KCNIP1: variants seen among roughly 807,000 people sequenced by gnomAD.
The protein encoded by KCNIP1 is A-type potassium channel modulatory protein KCNIP1.
KCNIP1 carries 18 observed loss-of-function variants against 33.0 expected under a neutral mutation model. That is an observed-to-expected ratio of 0.55 (90% CI 0.38 to 0.81). KCNIP1 has a LOEUF of 0.81. Ranked by LOEUF, KCNIP1 falls within the 30% of genes least tolerant of loss-of-function variation. The probability of loss-of-function intolerance (pLI) is 0.00; values close to 1 mark genes in which losing one functional copy is unlikely to be tolerated. For missense variants in KCNIP1, 238 were observed against 271.6 expected (o/e 0.88, Z 0.87); for synonymous variants, 93 against 98.3 (o/e 0.95, Z 0.32).
intron 1 of KCNIP1, among the ~76,000 whole-genome samples, chr5:170,510,712 TAA>T (rs1158117654): frequency 2.6e-5 from 4 of 152,146 alleles, no homozygotes; most frequent in Non-Finnish European, 5.9e-5. Flanking sequence ...TACTTTGGAT[TAA>T]ATCTTGTTAT....
chr5:170,564,637 G>T (rs1039267310), intron 1 of KCNIP1, among the ~76,000 whole-genome samples: 1 of 152,202 alleles, frequency 6.6e-6, no homozygotes, highest in African/African-American at 2.4e-5. Flanking sequence ...AGCCAGGTGT[G>T]TGCACCACAG....
chr5:170,588,998 T>G (rs1036447336), intron 1 of KCNIP1, among the ~76,000 whole-genome samples: 1 of 143,038 alleles, frequency 7.0e-6, no homozygotes, highest in African/African-American at 2.6e-5. Context: ...ACTTACTTCT[T>G]TTTTTTTTTT....
intron 1 of KCNIP1, among the ~76,000 whole-genome samples, chr5:170,564,326 T>G (rs973520447): frequency 2.0e-5 from 3 of 152,184 alleles, no homozygotes; most frequent in Non-Finnish European, 4.4e-5. Context: ...TCTGCTCAGA[T>G]GTCCTTGAAA....
intron 1 of KCNIP1, among the ~76,000 whole-genome samples, chr5:170,452,054 C>T (rs1233474965): frequency 2.6e-5 from 4 of 152,120 alleles, no homozygotes; most frequent in Non-Finnish European, 4.4e-5. Flanking sequence ...ACCCCTGTGA[C>T]TCCGTCTCCA....
intron 1 of KCNIP1, chr5:170,486,122 C>T (rs1757089539): frequency 6.6e-6 from 1 of 152,100 alleles, no homozygotes; most frequent in Admixed American, 6.5e-5. Flanking sequence ...AGCGTGTTGA[C>T]TAAGGTCACA....
intron 1 of KCNIP1, among the ~76,000 whole-genome samples, chr5:170,373,769 A>G (rs575808662): frequency 6.6e-6 from 1 of 152,350 alleles, no homozygotes; most frequent in African/African-American, 2.4e-5. Flanking sequence ...GGAACATTCC[A>G]TTGCACTCTC....
At chr5:170,392,928 T>C (rs1754646072) in intron 1 of KCNIP1, among the ~76,000 whole-genome samples, 1 of 152,222 alleles carries the variant, frequency 6.6e-6, no homozygotes, top group African/African-American at 2.4e-5. Flanking sequence ...TTTTTGTTTA[T>C]GAAGCACCTA....
chr5:170,685,623 G>A (rs1326773305), intron 1 of KCNIP1, among the ~76,000 whole-genome samples: 1 of 151,860 alleles, frequency 6.6e-6, no homozygotes, highest in Non-Finnish European at 1.5e-5. Context: ...TGAGTAGCTG[G>A]GATTACAGGC....
chr5:170,574,973 C>T (rs1208174328), intron 1 of KCNIP1, among the ~76,000 whole-genome samples: 5 of 152,042 alleles, frequency 3.3e-5, no homozygotes, highest in African/African-American at 7.3e-5. Context: ...CAACAGTATT[C>T]GAAGACCTGC....
At chr5:170,536,431 C>T (rs1755987028) in intron 1 of KCNIP1, among the ~76,000 whole-genome samples, 1 of 152,184 alleles carries the variant, frequency 6.6e-6, no homozygotes, top group Non-Finnish European at 1.5e-5. Context: ...GTCCCACCTT[C>T]CCCCAACAGC....
chr5:170,449,934 G>A (rs578145420), intron 1 of KCNIP1, among the ~76,000 whole-genome samples: 5 of 151,992 alleles, frequency 3.3e-5, no homozygotes, highest in East Asian at 3.9e-4. Flanking sequence ...TTGGAAGGCC[G>A]GGAGGTTTTG....
At chr5:170,663,955 G>A (rs1199935407) in intron 1 of KCNIP1, among the ~76,000 whole-genome samples, 1 of 151,758 alleles carries the variant, frequency 6.6e-6, no homozygotes, top group Non-Finnish European at 1.5e-5. Flanking sequence ...CTTCAACCCT[G>A]TCTGTACTCT....
chr5:170,569,372 T>C (rs574641855), intron 1 of KCNIP1, among the ~76,000 whole-genome samples: 1 of 152,344 alleles, frequency 6.6e-6, no homozygotes, highest in East Asian at 1.9e-4. Context: ...TTTTGACACT[T>C]GGCAAACATT....
chr5:170,624,410 G>A (rs4867997), intron 1 of KCNIP1, among the ~76,000 whole-genome samples: 72,271 of 151,702 alleles, frequency 0.48, 17,792 homozygotes, highest in East Asian at 0.68. Context: ...ATTGACTGAC[G>A]AAGGGGTACA....
At chr5:170,709,584 T>A (rs1469362158) in intron 1 of KCNIP1, among the ~76,000 whole-genome samples, 1 of 152,244 alleles carries the variant, frequency 6.6e-6, no homozygotes, top group East Asian at 1.9e-4. Flanking sequence ...GATTTCTATC[T>A]TGTATTGTAG....
intron 1 of KCNIP1, among the ~76,000 whole-genome samples, chr5:170,647,870 A>G (rs1760852001): frequency 1.3e-5 from 2 of 152,306 alleles, no homozygotes; most frequent in Non-Finnish European, 2.9e-5. Flanking sequence ...TATTTGAAAA[A>G]ATATATATCT....
At chr5:170,504,018 C>T (rs1372115154), upstream of KCNIP1, 33 of 984,746 alleles carry the variant, frequency 3.4e-5, no homozygotes, top group Non-Finnish European at 3.9e-5. The surrounding 1 kb of genome is among the most constrained non-coding windows in gnomAD (Gnocchi z 6.0). Context: ...CTCCGCCGCT[C>T]CGACTCTCGC....
chr5:170,393,998 T>C (rs569109395), intron 1 of KCNIP1, among the ~76,000 whole-genome samples: 32 of 152,284 alleles, frequency 2.1e-4, no homozygotes, highest in African/African-American at 7.5e-4. Flanking sequence ...GAAAGTGGCA[T>C]GATGTGGAAG....
At chr5:170,383,950 T>A in intron 1 of KCNIP1, 1 of 1,262,844 alleles carries the variant, frequency 7.9e-7, no homozygotes, top group South Asian at 1.4e-5. Context: ...TCTAGAGGGA[T>A]CCAGGACTGG....
Sources: allele counts gnomAD v4.1 joint callset (sites outside exome capture counted in the v4.1 genomes callset), GRCh38; gene constraint gnomAD v4.1.1; non-coding constraint Gnocchi (gnomAD v3.1); transcripts MANE v1.5; gene names NCBI Gene and HGNC (gene_info 2026-07-23, HGNC 2026-07-21).